The following FHIP1A variants were observed in gnomAD, a reference collection of about 807,000 sequenced individuals.
The protein encoded by FHIP1A is FHF complex subunit HOOK-interacting protein 1A.
FHIP1A carries 61 observed loss-of-function variants against 88.6 expected under a neutral mutation model. The observed-to-expected ratio is 0.69, with a 90% CI of 0.56 to 0.85. The LOEUF is 0.85. Among genes scored for constraint, FHIP1A ranks in the 40% least tolerant of loss-of-function variants. FHIP1A has a pLI of 0.00. For missense variants in FHIP1A, 1,154 were observed against 1,273.5 expected (o/e 0.91, Z 1.43); for synonymous variants, 478 against 496.0 (o/e 0.96, Z 0.48).
intron 2 of FHIP1A, among the ~76,000 whole-genome samples, chr4:151,476,390 C>A (rs1252421358): frequency 6.6e-6 from 1 of 151,826 alleles, no homozygotes; most frequent in Non-Finnish European, 1.5e-5. Context: ...CTTAAGAAAT[C>A]CTCTCACCTC....
chr4:151,658,321 G>C (rs1361736315), intron 13 of FHIP1A, among the ~76,000 whole-genome samples: 1 of 152,184 alleles, frequency 6.6e-6, no homozygotes, highest in Non-Finnish European at 1.5e-5. Context: ...GAATCTGTGT[G>C]GTCATCTGGG....
chr4:151,662,226 C>A (rs1468373705), intron 13 of FHIP1A, among the ~76,000 whole-genome samples: 1 of 152,208 alleles, frequency 6.6e-6, no homozygotes, highest in Non-Finnish European at 1.5e-5. Flanking sequence ...CTTGACAAAC[C>A]TATATTCTTG....
At chr4:151,587,951 G>A (rs1734281469) in intron 6 of FHIP1A, among the ~76,000 whole-genome samples, 3 of 151,982 alleles carry the variant, frequency 2.0e-5, no homozygotes, top group Admixed American at 2.0e-4. Flanking sequence ...CACACAGAGA[G>A]ATTATCAGTA....
intron 1 of FHIP1A, among the ~76,000 whole-genome samples, chr4:151,446,373 T>C (rs1728599938): frequency 6.6e-6 from 1 of 152,108 alleles, no homozygotes; most frequent in African/African-American, 2.4e-5. Flanking sequence ...AGTTCCTCTT[T>C]TAGATTGGTG....
chr4:151,614,468 CAA>C (rs1170058431), intron 7 of FHIP1A, among the ~76,000 whole-genome samples: 32 of 61,130 alleles, frequency 5.2e-4, no homozygotes, highest in Admixed American at 5.7e-4. Context: ...GACTCTGTCT[CAA>C]AAAAAAAAAA....
chr4:151,577,979 G>T lies in FHIP1A; in HGVS notation c.635G>T (p.Gly212Val), dbSNP rs1336494438. ...IPFIHREGSV[G>V]QQARDALLFI... ...TTCATTCACCGAGAGGGGTCAGTAG[G>T]CCAGCAAGCTCGGGATGCATTGCTC... Residue 212 changes from glycine to valine, a missense_variant, in exon 5 of 14, where the codon GGC (glycine) becomes GTC (valine). Physicochemically the swap from Gly to Val is moderately radical, Grantham distance 109. Transcript: ENST00000435205. 1 of 1,551,046 alleles carries T rather than the reference G, an allele frequency of 6.4e-7. No individual in the cohort carries two copies. Among genetic ancestry groups the T allele is most frequent in the Non-Finnish European group, 8.7e-7 (1 of 1,146,928 alleles).
intron 3 of FHIP1A, among the ~76,000 whole-genome samples, chr4:151,499,609 A>AT (rs1730578605): frequency 6.6e-6 from 1 of 152,214 alleles, no homozygotes; most frequent in Admixed American, 6.5e-5. Flanking sequence ...GTCCACTCTC[A>AT]TGCTGCTAAT....
Position 151,629,777 on chromosome 4 carries a change from C to G in FHIP1A, c.1054C>G (p.Leu352Val), listed in dbSNP as rs1377482743. 1 of 1,551,382 alleles carries G rather than the reference C, an allele frequency of 6.4e-7. No individual in the cohort carries two copies. Among genetic ancestry groups the G allele is most frequent in the East Asian group, 2.4e-5 (1 of 40,932 alleles). ...GCGTAGCATCTCCGAGCCAGCACTA[C>G]TTGAGATCTTCCTCCGTTTTATCCT... ...FLRSISEPAL[L>V]EIFLRFILLH... The change falls in exon 8 of 14, where the codon CTT becomes GTT. Residue 352 changes from leucine to valine, a missense_variant. Coordinates refer to ENST00000435205, the MANE Select transcript of FHIP1A (RefSeq NM_001109977.3).
chr4:151,442,023 A>C (rs1728431305), intron 1 of FHIP1A, among the ~76,000 whole-genome samples: 1 of 152,158 alleles, frequency 6.6e-6, no homozygotes. Context: ...TTTTCATTGA[A>C]TGTTTCATTG....
At chr4:151,557,266 A>G in intron 3 of FHIP1A, among the ~76,000 whole-genome samples, 1 of 152,188 alleles carries the variant, frequency 6.6e-6, no homozygotes, top group East Asian at 1.9e-4. Flanking sequence ...AAAGTGCAGG[A>G]TGCTTTCAAG....
intron 2 of FHIP1A, among the ~76,000 whole-genome samples, chr4:151,472,228 A>G (rs1729540898): frequency 6.6e-6 from 1 of 152,194 alleles, no homozygotes; most frequent in South Asian, 2.1e-4. Context: ...ATCTGATTTC[A>G]AAATAGCTTT....
chr4:151,653,787 G>A lies in FHIP1A; in HGVS notation c.2552-2445G>A, dbSNP rs17027755. 9.6e-3 allele frequency among the ~76,000 whole-genome samples: 1,455 copies of A among 152,136 alleles called. 21 individuals are homozygous for A. The highest frequency in any genetic ancestry group is 0.033 in the African/African-American group (1,361 of 41,492). ...CGAGGGAGGCACGGAATCAATGGCCGCTCCATTCTTGGACAGGGGAAGTGC... is the reference window on the plus strand; with the variant it reads ...CGAGGGAGGCACGGAATCAATGGCCACTCCATTCTTGGACAGGGGAAGTGC... On this transcript the variant is annotated intron_variant, in intron 11 of 13. Transcript: ENST00000435205.
intron 1 of FHIP1A, among the ~76,000 whole-genome samples, chr4:151,444,521 C>G (rs1404001643): frequency 6.6e-6 from 1 of 152,160 alleles, no homozygotes; most frequent in Non-Finnish European, 1.5e-5. Context: ...CTTTTGTCCC[C>G]CACCCACTCC....
intron 3 of FHIP1A, among the ~76,000 whole-genome samples, chr4:151,531,865 A>T (rs551778354): frequency 6.6e-6 from 1 of 152,316 alleles, no homozygotes; most frequent in Admixed American, 6.5e-5. Flanking sequence ...CAGAATCTGG[A>T]TCTCCAGGGC....
chr4:151,554,452 T>C (rs755570907), intron 3 of FHIP1A, among the ~76,000 whole-genome samples: 130 of 152,246 alleles, frequency 8.5e-4, no homozygotes, highest in Non-Finnish European at 1.6e-3. Context: ...GGTTCTGAAA[T>C]AATCACAGCA....
At chr4:151,453,201 A>T (rs1728856221) in intron 1 of FHIP1A, among the ~76,000 whole-genome samples, 1 of 151,908 alleles carries the variant, frequency 6.6e-6, no homozygotes. Context: ...TTTTTAGTAG[A>T]GATAGTGTTT....
In FHIP1A at chr4:151,602,330, T is replaced by C. The variant is rs549468054; in HGVS notation, c.978+13404T>C. ...CATATGCAGTAAAAGGATAATATTG[T>C]TTGTTCAAAGACCATTTAGTCAGTG... On this transcript the variant is annotated intron_variant, in intron 7 of 13. Transcript: ENST00000435205. Among the ~76,000 whole-genome samples the C allele has an allele frequency of 5.9e-5, 9 of 152,324 alleles. No individual in the cohort carries two copies. In the East Asian group the frequency reaches 1.7e-3, roughly 29 times the overall value.
At chr4:151,645,149 A>G (rs1432252269) in intron 9 of FHIP1A, among the ~76,000 whole-genome samples, 2 of 152,156 alleles carry the variant, frequency 1.3e-5, no homozygotes, top group Non-Finnish European at 2.9e-5. Context: ...CTGCCACCAC[A>G]TCAGACCTGC....
At chr4:151,567,901 C>T (rs4696098) in intron 4 of FHIP1A, among the ~76,000 whole-genome samples, 43,310 of 152,134 alleles carry the variant, frequency 0.28, 6,400 homozygotes, top group Non-Finnish European at 0.33. Flanking sequence ...ACTACGTAAT[C>T]TTCGCTCCCA....
Sources: gnomAD v4.1 joint callset for allele counts (sites outside exome capture counted in the v4.1 genomes callset) on GRCh38, gnomAD v4.1.1 for gene constraint, MANE v1.5 for transcripts, NCBI Gene and HGNC (gene_info 2026-07-23, HGNC 2026-07-21) for gene names.